TRPM3: variants seen among roughly 807,000 people sequenced by gnomAD.
TRPM3 encodes the protein transient receptor potential cation channel subfamily M member 3.
In TRPM3, 77 loss-of-function variants were observed where a neutral mutation model predicts 181.2. The ratio of observed to expected loss-of-function variants is 0.42; its 90% CI spans 0.35 to 0.51. The LOEUF is 0.51. TRPM3 is among the 20% of genes least tolerant of loss of function. The pLI, the probability that TRPM3 is intolerant of heterozygous loss-of-function variation, is 0.01. For missense variants in TRPM3, 1,759 were observed against 2,196.7 expected, an observed-to-expected ratio of 0.80 and a Z score of 3.98; for synonymous variants, 745 against 796.4, an observed-to-expected ratio of 0.94 and a Z score of 1.09.
intron 1 of TRPM3, among the ~76,000 whole-genome samples, chr9:70,874,255 G>C (rs1344360301): frequency 6.6e-6 from 1 of 151,670 alleles, no homozygotes; most frequent in Non-Finnish European, 1.5e-5. Flanking sequence ...TCTTCATTAT[G>C]GGGCAATTAA....
At chr9:70,842,891 G>T in intron 5 of TRPM3, 112 bp downstream of exon 5, 2 of 1,060,664 alleles carry the variant, frequency 1.9e-6, no homozygotes, top group Non-Finnish European at 2.7e-6. Flanking sequence ...ATTTTAGTGA[G>T]TAGAGACCCA....
chr9:71,174,649 G>C (rs572054056), intron 1 of TRPM3, among the ~76,000 whole-genome samples: 1 of 152,186 alleles, frequency 6.6e-6, no homozygotes, highest in East Asian at 1.9e-4. Context: ...GGAATGCTAA[G>C]CAAAGAACCA....
intron 12 of TRPM3, among the ~76,000 whole-genome samples, chr9:70,630,077 C>T (rs2065527847): frequency 6.6e-6 from 1 of 152,118 alleles, no homozygotes; most frequent in African/African-American, 2.4e-5. Context: ...CATTGCTTCT[C>T]CTAGGATGGG....
intron 1 of TRPM3, among the ~76,000 whole-genome samples, chr9:71,420,703 GAGAGAAAGAA>G (rs1230334101): frequency 1.4e-5 from 2 of 142,198 alleles, no homozygotes; most frequent in Non-Finnish European, 3.0e-5. Context: ...AAGAGAAAGA[GAGAGAAAGAA>G]AGAGAGAAAG....
intron 1 of TRPM3, among the ~76,000 whole-genome samples, chr9:70,981,589 A>C (rs1314634896): frequency 6.6e-6 from 1 of 152,170 alleles, no homozygotes; most frequent in African/African-American, 2.4e-5. Context: ...GCAAGTCATC[A>C]GTCTCTCTGC....
At chr9:70,908,678 G>T (rs1163902605) in intron 1 of TRPM3, among the ~76,000 whole-genome samples, 1 of 152,212 alleles carries the variant, frequency 6.6e-6, no homozygotes, top group Non-Finnish European at 1.5e-5. Flanking sequence ...AATGGCGGAT[G>T]CAAGCTTGAA....
At chr9:70,945,337 T>C (rs1190355483) in intron 1 of TRPM3, among the ~76,000 whole-genome samples, 1 of 152,208 alleles carries the variant, frequency 6.6e-6, no homozygotes, top group Admixed American at 6.5e-5. Flanking sequence ...CTTTTGGGAA[T>C]GTAAGCTCCA....
At chr9:70,823,054 G>A (rs1338114308) in intron 6 of TRPM3, among the ~76,000 whole-genome samples, 1 of 151,986 alleles carries the variant, frequency 6.6e-6, no homozygotes, top group Non-Finnish European at 1.5e-5. Context: ...CTTCAGCTCT[G>A]CACTGCTGGC....
intron 9 of TRPM3, among the ~76,000 whole-genome samples, chr9:70,655,592 C>A (rs530666952): frequency 1.3e-5 from 2 of 151,920 alleles, no homozygotes; most frequent in African/African-American, 4.8e-5. Flanking sequence ...TCTTTGTGTG[C>A]GTGATTATAT....
chr9:70,795,989 C>T (rs2086917363), intron 6 of TRPM3, among the ~76,000 whole-genome samples: 1 of 152,190 alleles, frequency 6.6e-6, no homozygotes, highest in Non-Finnish European at 1.5e-5. Context: ...TGTTTGAAGG[C>T]TGAATCTTTT....
In TRPM3 at chr9:71,004,682, C is replaced by A. The variant is rs2097654177; in HGVS notation, c.177+116496G>T. Among the ~76,000 whole-genome samples, 3 of 152,002 alleles carry A rather than the reference C, an allele frequency of 2.0e-5. No individual in the cohort carries two copies. In the South Asian group the frequency reaches 6.2e-4, roughly 31 times the overall value. Reference sequence around the variant, plus strand: ...ATATATGACAAAATTCAGAATAGTCCTCTTAAAGAAGTTTAGGGAATCACA... The same window carrying A: ...ATATATGACAAAATTCAGAATAGTCATCTTAAAGAAGTTTAGGGAATCACA... On this transcript the variant is annotated intron_variant, in intron 1 of 25. Transcript: ENST00000677713.
rs538993538 is a variant in TRPM3 at position 70,689,156 on chromosome 9, T to C, written c.1273-7578A>G. On this transcript the variant is annotated intron_variant, in intron 8 of 25. Transcript: ENST00000677713. ...ACACAAGAGTCTACTGAACACTCTA[T>C]TATTGTTCAGGGGTCAATCACCCAG... Among the ~76,000 whole-genome samples the C allele has an allele frequency of 2.6e-5, 4 of 152,322 alleles. No individual in the cohort carries two copies. The South Asian group carries it at 8.3e-4, about 32-fold the overall frequency.
At chr9:71,355,161 C>T (rs1001066992) in intron 1 of TRPM3, among the ~76,000 whole-genome samples, 3 of 152,108 alleles carry the variant, frequency 2.0e-5, no homozygotes, top group Non-Finnish European at 4.4e-5. Flanking sequence ...ATTAATGGTT[C>T]CTGTTATACA....
intron 1 of TRPM3, among the ~76,000 whole-genome samples, chr9:71,224,148 G>A (rs576969312): frequency 3.3e-5 from 5 of 152,306 alleles, no homozygotes; most frequent in Admixed American, 1.3e-4. Context: ...GGGGCCACAG[G>A]AATGCTTGTG....
At chr9:70,817,947 TG>T (rs2092844760) in intron 6 of TRPM3, among the ~76,000 whole-genome samples, 1 of 152,190 alleles carries the variant, frequency 6.6e-6, no homozygotes, top group Non-Finnish European at 1.5e-5. Context: ...AAAATATTTT[TG>T]GTTTTTTTTG....
At chr9:71,393,993 A>G (rs2093128907) in intron 1 of TRPM3, among the ~76,000 whole-genome samples, 1 of 151,614 alleles carries the variant, frequency 6.6e-6, no homozygotes, top group African/African-American at 2.4e-5. Context: ...TACAATACAG[A>G]AAAAAAAATG....
At chr9:70,973,216 A>C (rs1182979828) in intron 1 of TRPM3, among the ~76,000 whole-genome samples, 1 of 152,138 alleles carries the variant, frequency 6.6e-6, no homozygotes, top group Non-Finnish European at 1.5e-5. Context: ...GTGGGTGGTT[A>C]ATATTAGTAG....
intron 1 of TRPM3, among the ~76,000 whole-genome samples, chr9:71,419,234 T>C (rs901203487): frequency 6.6e-6 from 1 of 151,840 alleles, no homozygotes; most frequent in Non-Finnish European, 1.5e-5. Context: ...GTACAGTAAT[T>C]ATCATAGTAG....
At chr9:71,295,332 A>T (rs746458036) in intron 1 of TRPM3, among the ~76,000 whole-genome samples, 1 of 152,120 alleles carries the variant, frequency 6.6e-6, no homozygotes, top group Non-Finnish European at 1.5e-5. Context: ...ACTATTGTAG[A>T]ATGAGAGCTC....
Sources: gnomAD v4.1 joint callset for allele counts (sites outside exome capture counted in the v4.1 genomes callset) on GRCh38, gnomAD v4.1.1 for gene constraint, MANE v1.5 for transcripts, NCBI Gene and HGNC (gene_info 2026-07-23, HGNC 2026-07-21) for gene names.